Variants in KITLG observed in about 807,000 individuals in gnomAD.
The protein encoded by KITLG is c-Kit ligand.
Under a neutral mutation model 34.1 loss-of-function variants are expected in KITLG, and 13 were observed. The observed-to-expected ratio is 0.38, with a 90% CI of 0.25 to 0.61. The LOEUF is 0.61. Among genes scored for constraint, KITLG ranks in the 20% least tolerant of loss-of-function variants. KITLG has a pLI of 0.60. For synonymous variants in KITLG, 110 were observed against 104.0 expected (o/e 1.06, Z -0.35); for missense variants, 292 against 318.9 (o/e 0.92, Z 0.64).
chr12:88,529,283 C>T (rs575576841), intron 3 of KITLG, among the ~76,000 whole-genome samples: 3 of 152,246 alleles, frequency 2.0e-5, no homozygotes, highest in Admixed American at 2.0e-4. Flanking sequence ...CATTTTTATT[C>T]TTTCTACAAT....
chr12:88,509,671 C>T (rs1869200389), intron 6 of KITLG, among the ~76,000 whole-genome samples: 1 of 152,170 alleles, frequency 6.6e-6, no homozygotes, highest in Non-Finnish European at 1.5e-5. Context: ...CCATAGGTTA[C>T]TGAGCTTCAC....
chr12:88,498,544 AT>A (rs1457658857), intron 9 of KITLG, among the ~76,000 whole-genome samples: 10 of 152,156 alleles, frequency 6.6e-5, no homozygotes, highest in Non-Finnish European at 8.8e-5. Context: ...TATTTTTTAA[AT>A]GTATAAATAA....
At chr12:88,524,897 A>G (rs1368058742) in intron 3 of KITLG, among the ~76,000 whole-genome samples, 1 of 152,156 alleles carries the variant, frequency 6.6e-6, no homozygotes, top group Non-Finnish European at 1.5e-5. Flanking sequence ...GCTGACGTCT[A>G]TTTTTATAGA....
intron 3 of KITLG, among the ~76,000 whole-genome samples, chr12:88,528,783 T>C (rs1027554811): frequency 6.6e-6 from 1 of 152,172 alleles, no homozygotes; most frequent in African/African-American, 2.4e-5. Flanking sequence ...ATACTTGAAA[T>C]AGGTGAATCT....
intron 2 of KITLG, among the ~76,000 whole-genome samples, chr12:88,542,293 C>A (rs1870544663): frequency 6.6e-6 from 1 of 152,216 alleles, no homozygotes; most frequent in Non-Finnish European, 1.5e-5. Context: ...ATGAAGGCAG[C>A]ACAATTCTGA....
chr12:88,561,192 T>C (rs1871288185), intron 1 of KITLG, among the ~76,000 whole-genome samples: 1 of 152,140 alleles, frequency 6.6e-6, no homozygotes, highest in South Asian at 2.1e-4. Context: ...ATAACAGAAC[T>C]GACTTTATAG....
At chr12:88,531,824 T>A (rs1870103791) in intron 3 of KITLG, among the ~76,000 whole-genome samples, 1 of 152,054 alleles carries the variant, frequency 6.6e-6, no homozygotes, top group African/African-American at 2.4e-5. Context: ...ATCCACGGAT[T>A]CAACCAACCA....
rs1201975084 is a variant in KITLG at position 88,506,312 on chromosome 12, T to G, written c.781A>C (p.Ser261Arg). ...IQINEEDNEI[S>R]MLQEKEREFQ... is the part of the protein sequence containing the mutation. ...CACACATTTAGCAAAACAAAATACC[T>G]TATCTCATTATCCTCTTCATTAATT... Residue 261 changes from serine (S) to arginine (R), a missense_variant and splice_region_variant, in exon 8 of 10, where the codon AGT becomes CGT. Ser to Arg is a moderately radical substitution (Grantham distance 110). Around this residue, in one of 2 missense-constraint regions of KITLG, gnomAD observed 140 missense variants for 111.0 expected, o/e 1.26. Transcript: ENST00000644744. 2 of 1,599,692 alleles carry G rather than the reference T, an allele frequency of 1.3e-6. No individual in the cohort carries two copies. Among genetic ancestry groups the G allele is most frequent in the East Asian group, 2.2e-5 (1 of 44,768 alleles).
chr12:88,553,317 C>A (rs747783428), intron 1 of KITLG, among the ~76,000 whole-genome samples: 1 of 152,102 alleles, frequency 6.6e-6, no homozygotes, highest in Non-Finnish European at 1.5e-5. Context: ...GAATAGGGTG[C>A]CTAAATATGT....
chr12:88,522,466 C>A (rs1383401102), intron 3 of KITLG, among the ~76,000 whole-genome samples: 2 of 148,112 alleles, frequency 1.4e-5, no homozygotes, highest in South Asian at 2.1e-4. Context: ...TTGCTCTTCT[C>A]GCCCACGCTG....
intron 9 of KITLG, among the ~76,000 whole-genome samples, chr12:88,498,806 G>A (rs1174354660): frequency 3.9e-5 from 6 of 152,070 alleles, no homozygotes; most frequent in Admixed American, 6.6e-5. Flanking sequence ...CCCAGGAGGC[G>A]GAGGTTGCAG....
intron 1 of KITLG, among the ~76,000 whole-genome samples, chr12:88,547,030 T>C (rs1698598194): frequency 1.3e-5 from 2 of 152,128 alleles, no homozygotes; most frequent in Admixed American, 1.3e-4. Flanking sequence ...AAAGAAAAGA[T>C]GAACGTTCCA....
chr12:88,570,522 A>C lies in KITLG; in HGVS notation c.15+9742T>G, dbSNP rs73439057. ...TTCTTCTCCACAAATAAATTAGAAA[A>C]AACAACAACAACAACAAAAAAAAAA... On this transcript the variant is annotated intron_variant, in intron 1 of 9. Transcript: ENST00000644744. 2.8e-3 allele frequency among the ~76,000 whole-genome samples: 318 copies of C among 115,504 alleles called. 1 individual carries two copies. Among genetic ancestry groups the C allele is most frequent in the African/African-American group, 8.1e-3 (312 of 38,590 alleles). 75.8% of individuals were successfully genotyped at this position (115,504 alleles called of 152,430 possible).
intron 1 of KITLG, among the ~76,000 whole-genome samples, chr12:88,570,552 G>C (rs1037196322): frequency 2.7e-5 from 4 of 150,276 alleles, no homozygotes; most frequent in African/African-American, 9.7e-5. Flanking sequence ...AAAAAACAAA[G>C]AAGTTCAACC....
chr12:88,546,504 G>C (rs911576230), intron 1 of KITLG, among the ~76,000 whole-genome samples: 1 of 151,952 alleles, frequency 6.6e-6, no homozygotes, highest in Admixed American at 6.6e-5. Context: ...TCTCTCTCTC[G>C]AACACACATA....
chr12:88,538,490 G>C (rs940388333), intron 2 of KITLG, among the ~76,000 whole-genome samples: 2 of 151,742 alleles, frequency 1.3e-5, no homozygotes, highest in Non-Finnish European at 2.9e-5. Context: ...ATGCAACACT[G>C]AATGTGTTTC....
intron 6 of KITLG, among the ~76,000 whole-genome samples, chr12:88,507,666 G>A (rs1316511570): frequency 2.0e-5 from 3 of 152,174 alleles, no homozygotes; most frequent in East Asian, 1.9e-4. Context: ...CTGTTTCCAC[G>A]TTCATATCTT....
At position 88,493,119 on chromosome 12, in the gene KITLG, A is replaced by G. The variant is rs2120764095; in HGVS notation, c.*4100T>C. The G allele has an allele frequency of 6.6e-6, 1 of 152,440 alleles. No homozygotes were observed. Among genetic ancestry groups the G allele is most frequent in the South Asian group, 2.1e-4 (1 of 4,828 alleles). The allele number at this position is 152,440 out of a possible 1,614,324, so 9.4% of individuals were successfully genotyped here. On this transcript the variant is annotated 3_prime_UTR_variant, in exon 10 of 10. Coordinates refer to ENST00000644744, the MANE Select transcript of KITLG (RefSeq NM_000899.5). ...GATTTAAAAAAATGGTGGCAAGTGG[A>G]CACTATAATCACATATTAACCCTTA...
At chr12:88,504,482 T>C (rs962727732) in intron 9 of KITLG, among the ~76,000 whole-genome samples, 6 of 152,094 alleles carry the variant, frequency 3.9e-5, no homozygotes, top group Admixed American at 3.9e-4. Flanking sequence ...CAAAAGAAGA[T>C]ATTTATGCAG....
Sources: allele counts gnomAD v4.1 joint callset (sites outside exome capture counted in the v4.1 genomes callset), GRCh38; gene constraint gnomAD v4.1.1; regional missense constraint gnomAD v4.1.1; transcripts MANE v1.5; gene names NCBI Gene and HGNC (gene_info 2026-07-23, HGNC 2026-07-21).